CLNK: variants seen among roughly 807,000 people sequenced by gnomAD.
CLNK encodes the protein cytokine dependent hematopoietic cell linker, also known as cytokine-dependent hematopoietic cell linker.
A neutral mutation model predicts 68.6 loss-of-function variants in CLNK; 74 were observed. The ratio of observed to expected loss-of-function variants is 1.08; its 90% CI spans 0.89 to 1.31. CLNK has a LOEUF of 1.31. CLNK is among the 50% of genes most tolerant of loss of function. CLNK has a pLI of 0.00. For missense variants in CLNK, 553 were observed against 515.3 expected (o/e 1.07, Z -0.71); for synonymous variants, 198 against 172.2 (o/e 1.15, Z -1.17).
intron 17 of CLNK, among the ~76,000 whole-genome samples, chr4:10,502,864 G>T (rs1255771071): frequency 6.6e-6 from 1 of 152,046 alleles, no homozygotes; most frequent in East Asian, 1.9e-4. Flanking sequence ...AAGACCAGGA[G>T]ATTCAGAGTG....
At chr4:10,516,267 A>G (rs1717832422) in intron 15 of CLNK, among the ~76,000 whole-genome samples, 1 of 152,336 alleles carries the variant, frequency 6.6e-6, no homozygotes, top group Non-Finnish European at 1.5e-5. Context: ...CAGTGTGAAT[A>G]CAGAATTATA....
At chr4:10,567,054 T>C (rs138204901) in intron 5 of CLNK, among the ~76,000 whole-genome samples, 10 of 151,360 alleles carry the variant, frequency 6.6e-5, no homozygotes, top group African/African-American at 2.2e-4. Flanking sequence ...CACTGATTTA[T>C]TTTGCAGAAA....
chr4:10,573,773 G>A (rs1720442837), intron 4 of CLNK, among the ~76,000 whole-genome samples: 2 of 152,132 alleles, frequency 1.3e-5, no homozygotes, highest in African/African-American at 4.8e-5. Context: ...CCAGAGGCGA[G>A]CGTTCCAGCC....
intron 2 of CLNK, among the ~76,000 whole-genome samples, chr4:10,644,269 A>G (rs908632839): frequency 1.3e-5 from 2 of 152,186 alleles, no homozygotes; most frequent in South Asian, 2.1e-4. Flanking sequence ...TGTCTTGGTT[A>G]TTGCTATAGT....
intron 4 of CLNK, among the ~76,000 whole-genome samples, chr4:10,584,723 T>C (rs1333261476): frequency 1.3e-5 from 2 of 152,146 alleles, no homozygotes; most frequent in African/African-American, 4.8e-5. Flanking sequence ...AGGATTCCCA[T>C]CCAGCCACCC....
At chr4:10,554,845 G>C (rs192665579) in intron 8 of CLNK, among the ~76,000 whole-genome samples, 1 of 152,130 alleles carries the variant, frequency 6.6e-6, no homozygotes, top group Non-Finnish European at 1.5e-5. Flanking sequence ...ATTCACTCTG[G>C]CACTGCGCTT....
intron 14 of CLNK, among the ~76,000 whole-genome samples, chr4:10,521,633 T>C (rs1010639334): frequency 6.6e-6 from 1 of 152,216 alleles, no homozygotes; most frequent in Non-Finnish European, 1.5e-5. Flanking sequence ...CTGGTTTATG[T>C]TGTCACCATA....
At chr4:10,696,697 G>A in the CLNK span, among the ~76,000 whole-genome samples, 1 of 152,238 alleles carries the variant, frequency 6.6e-6, no homozygotes, top group Admixed American at 6.5e-5. Flanking sequence ...TCCTCCTGTT[G>A]GCTCTCCTTC....
chr4:10,624,657 G>T (rs1446610315), intron 2 of CLNK, among the ~76,000 whole-genome samples: 3 of 139,738 alleles, frequency 2.1e-5, no homozygotes, highest in African/African-American at 8.0e-5. Flanking sequence ...TGTATTTCCT[G>T]CAGGACTTCT....
intron 7 of CLNK, among the ~76,000 whole-genome samples, chr4:10,559,608 T>C (rs1326421565): frequency 6.6e-6 from 1 of 151,588 alleles, no homozygotes; most frequent in African/African-American, 2.4e-5. Context: ...GCAGGAGAGG[T>C]TCCCATTGTC....
chr4:10,536,015 A>C (rs918833674), intron 11 of CLNK, among the ~76,000 whole-genome samples: 6 of 152,210 alleles, frequency 3.9e-5, no homozygotes, highest in Non-Finnish European at 8.8e-5. Context: ...GAAGTGCTTC[A>C]ATTCAGTAAT....
At chr4:10,640,137 G>A (rs1465269732) in intron 2 of CLNK, among the ~76,000 whole-genome samples, 1 of 152,116 alleles carries the variant, frequency 6.6e-6, no homozygotes, top group East Asian at 1.9e-4. Context: ...ATTGTTGCAT[G>A]GAGGAGGACA....
chr4:10,605,338 C>T (rs1261629941), intron 2 of CLNK, among the ~76,000 whole-genome samples: 4 of 152,048 alleles, frequency 2.6e-5, no homozygotes, highest in African/African-American at 9.7e-5. Context: ...GTAGAGTGTA[C>T]TTACACAAAC....
At chr4:10,572,882 G>A (rs1720403807) in intron 4 of CLNK, among the ~76,000 whole-genome samples, 1 of 152,110 alleles carries the variant, frequency 6.6e-6, no homozygotes, top group African/African-American at 2.4e-5. Context: ...AGGCTGGAGT[G>A]CAGTGGTGCA....
At chr4:10,513,365 A>C (rs1291338792) in intron 16 of CLNK, 99 bp downstream of exon 16, 3 of 1,137,214 alleles carry the variant, frequency 2.6e-6, no homozygotes, top group Non-Finnish European at 3.7e-6. Context: ...AAAAAGTTAA[A>C]GTCAAACATA....
intron 15 of CLNK, among the ~76,000 whole-genome samples, chr4:10,517,944 G>A (rs1717904524): frequency 6.6e-6 from 1 of 152,030 alleles, no homozygotes; most frequent in Non-Finnish European, 1.5e-5. Flanking sequence ...TTCTGACTAT[G>A]TAACTCACTA....
At chr4:10,646,643 A>G (rs1379879662) in intron 2 of CLNK, among the ~76,000 whole-genome samples, 2 of 152,128 alleles carry the variant, frequency 1.3e-5, no homozygotes, top group East Asian at 3.9e-4. Flanking sequence ...CGTCCCAGCC[A>G]CACTGCAATC....
chr4:10,512,073 C>T (rs761786698), intron 16 of CLNK, among the ~76,000 whole-genome samples: 107 of 152,204 alleles, frequency 7.0e-4, no homozygotes, highest in Non-Finnish European at 1.2e-3. Flanking sequence ...CTGATGTGGT[C>T]CAAGCCTGTC....
At chr4:10,673,614 A>G (rs756278680) in intron 1 of CLNK, among the ~76,000 whole-genome samples, 7 of 151,808 alleles carry the variant, frequency 4.6e-5, no homozygotes, top group Admixed American at 2.6e-4. Context: ...TGGTAGTTGA[A>G]CAATGAGAAC....
Sources: gnomAD v4.1 joint callset for allele counts (sites outside exome capture counted in the v4.1 genomes callset) on GRCh38, gnomAD v4.1.1 for gene constraint, MANE v1.5 for transcripts, NCBI Gene and HGNC (gene_info 2026-07-23, HGNC 2026-07-21) for gene names.